The following DAAM2 variants were observed in gnomAD, a reference collection of about 807,000 sequenced individuals.
The protein encoded by DAAM2 is dishevelled associated activator of morphogenesis 2.
Under a neutral mutation model 120.7 loss-of-function variants are expected in DAAM2, and 39 were observed. That is an observed-to-expected ratio of 0.32 (90% CI 0.25 to 0.42). The LOEUF is 0.42. Ranked by LOEUF, DAAM2 falls within the 10% of genes least tolerant of loss-of-function variation. The probability of loss-of-function intolerance (pLI) is 1.00; values close to 1 mark genes in which losing one functional copy is unlikely to be tolerated. For missense variants in DAAM2, 1,283 were observed against 1,401.7 expected (o/e 0.92, Z 1.35); for synonymous variants, 488 against 524.9 (o/e 0.93, Z 0.96).
intron 18 of DAAM2, 23 bp from the exon 19 acceptor site, chr6:39,891,611 G>A (rs7740344): frequency 6.2e-7 from 1 of 1,603,222 alleles, no homozygotes; most frequent in South Asian, 1.1e-5. Flanking sequence ...GATACCTCAA[G>A]ATATGGTTCA....
At chr6:39,887,227 AT>A (rs1765428313) in intron 15 of DAAM2, 3 of 389,316 alleles carry the variant, frequency 7.7e-6, no homozygotes, top group Non-Finnish European at 9.4e-6. Context: ...TCTAAAAAAA[AT>A]CTCTAAAAAA....
chr6:39,801,333 T>C (rs899969452), intron 1 of DAAM2, among the ~76,000 whole-genome samples: 2 of 152,174 alleles, frequency 1.3e-5, no homozygotes, highest in African/African-American at 2.4e-5. Context: ...TTGACTTTTA[T>C]TGGCAAATTT....
intron 22 of DAAM2, chr6:39,899,861 T>C (rs996070103): frequency 4.3e-6 from 2 of 461,900 alleles, no homozygotes; most frequent in African/African-American, 2.0e-5. Context: ...AGGTCACATG[T>C]TGGGTCTCAG....
chr6:39,875,598 G>C (rs1401461690), intron 11 of DAAM2, 130 bp downstream of exon 11: 1 of 1,132,724 alleles, frequency 8.8e-7, no homozygotes, highest in Non-Finnish European at 1.2e-6. Context: ...GGGCAGCATG[G>C]TCCAACAGAA....
intron 1 of DAAM2, among the ~76,000 whole-genome samples, chr6:39,793,509 G>A (rs1761610524): frequency 6.6e-6 from 1 of 152,070 alleles, no homozygotes; most frequent in Non-Finnish European, 1.5e-5. Flanking sequence ...CGGAGGGTTA[G>A]AGGAAAATCA....
rs551353146 is a variant in DAAM2 at position 39,887,651 on chromosome 6, C to CGGAGTGG, written c.2060+60_2060+66dup. 337 of 1,215,926 alleles carry CGGAGTGG rather than the reference C, an allele frequency of 2.8e-4. 1 individual carries two copies. The South Asian group carries it at 4.1e-3, about 15-fold the overall frequency. 75.3% of individuals were successfully genotyped at this position (1,215,926 alleles called of 1,614,324 possible). ...CTGGGGGACAAAGGGGGTGGAGGAA[C>CGGAGTGG]GGAGTGGTGGCAGTCTCGGGCCTCT... On this transcript the variant is annotated intron_variant, in intron 16 of 24. Transcript: ENST00000274867.
At chr6:39,874,233 T>A (rs1764780282) in intron 10 of DAAM2, among the ~76,000 whole-genome samples, 1 of 152,190 alleles carries the variant, frequency 6.6e-6, no homozygotes, top group African/African-American at 2.4e-5. Flanking sequence ...GAATTTTGGT[T>A]TCTGCGGGGT....
intron 8 of DAAM2, among the ~76,000 whole-genome samples, chr6:39,871,111 C>T (rs748273091): frequency 2.2e-4 from 33 of 152,088 alleles, no homozygotes; most frequent in Non-Finnish European, 4.3e-4. Flanking sequence ...AGACATTGGG[C>T]GATGCCTGCA....
At chr6:39,864,014 C>T (rs1764318516) in intron 3 of DAAM2, among the ~76,000 whole-genome samples, 1 of 151,900 alleles carries the variant, frequency 6.6e-6, no homozygotes, top group Non-Finnish European at 1.5e-5. Context: ...CTGTCACAGA[C>T]CAATACTTTT....
chr6:39,874,875 G>A (rs1764806515), intron 10 of DAAM2, among the ~76,000 whole-genome samples: 1 of 152,130 alleles, frequency 6.6e-6, no homozygotes, highest in Non-Finnish European at 1.5e-5. Flanking sequence ...CCTGCAATCA[G>A]TTTCCCTTCA....
intron 10 of DAAM2, among the ~76,000 whole-genome samples, chr6:39,874,563 G>A (rs1290833997): frequency 1.3e-5 from 2 of 152,188 alleles, no homozygotes; most frequent in Non-Finnish European, 2.9e-5. Flanking sequence ...TTGCAGACTC[G>A]ATATTCTACC....
intron 2 of DAAM2, among the ~76,000 whole-genome samples, chr6:39,858,395 G>A (rs1209698323): frequency 6.6e-6 from 1 of 152,184 alleles, no homozygotes; most frequent in Non-Finnish European, 1.5e-5. Flanking sequence ...ATGGAGAGAA[G>A]TGGACAGATT....
At chr6:39,828,825 T>C (rs534615944) in intron 1 of DAAM2, among the ~76,000 whole-genome samples, 1 of 152,290 alleles carries the variant, frequency 6.6e-6, no homozygotes, top group East Asian at 1.9e-4. Flanking sequence ...CCTCCCGCCT[T>C]TTTATAATGC....
At chr6:39,843,375 A>G (rs960755422) in intron 1 of DAAM2, among the ~76,000 whole-genome samples, 6 of 152,154 alleles carry the variant, frequency 3.9e-5, no homozygotes, top group African/African-American at 1.4e-4. Context: ...TGAGATGTAG[A>G]TCAACGCCGC....
intron 1 of DAAM2, among the ~76,000 whole-genome samples, chr6:39,809,272 G>A (rs1762096674): frequency 6.6e-6 from 1 of 152,116 alleles, no homozygotes; most frequent in Admixed American, 6.5e-5. Flanking sequence ...ATGGGGGAGT[G>A]GGCACTCTGA....
intron 2 of DAAM2, among the ~76,000 whole-genome samples, chr6:39,859,414 A>G (rs568973947): frequency 6.6e-6 from 1 of 152,366 alleles, no homozygotes; most frequent in African/African-American, 2.4e-5. Context: ...CCTGGGATAT[A>G]TAGAGAGCAG....
chr6:39,830,784 T>C lies in DAAM2; in HGVS notation c.-56-25463T>C, dbSNP rs114988238. Among the ~76,000 whole-genome samples, 1,071 of 152,284 alleles carry C rather than the reference T, an allele frequency of 7.0e-3. 8 individuals carry two copies. Among genetic ancestry groups the C allele is most frequent in the African/African-American group, 0.024 (1,002 of 41,554 alleles). ...AAGACTGCATCAGGACCAGGGCAGC[T>C]CTGCAGGCACACACCTCTGACATTT... On this transcript the variant is annotated intron_variant, in intron 1 of 24. Coordinates refer to ENST00000274867, the MANE Select transcript of DAAM2 (RefSeq NM_001201427.2).
intron 1 of DAAM2, among the ~76,000 whole-genome samples, chr6:39,818,198 A>AAG (rs1244802096): frequency 2.7e-5 from 4 of 147,634 alleles, no homozygotes; most frequent in Non-Finnish European, 5.9e-5. Context: ...AAAAAAAAAA[A>AAG]AAAAAAAACT....
intron 1 of DAAM2, among the ~76,000 whole-genome samples, chr6:39,838,163 C>T (rs879263106): frequency 6.6e-6 from 1 of 152,228 alleles, no homozygotes; most frequent in Non-Finnish European, 1.5e-5. Context: ...AATCTGACCT[C>T]ACCTGGTTGC....
Sources: gnomAD v4.1 joint callset for allele counts (sites outside exome capture counted in the v4.1 genomes callset) on GRCh38, gnomAD v4.1.1 for gene constraint, MANE v1.5 for transcripts, NCBI Gene and HGNC (gene_info 2026-07-23, HGNC 2026-07-21) for gene names.